Variants in SCAPER observed in about 807,000 individuals in gnomAD.
SCAPER encodes S phase cyclin A-associated protein in the endoplasmic reticulum.
A neutral mutation model predicts 182.2 loss-of-function variants in SCAPER; 98 were observed. That is an observed-to-expected ratio of 0.54 (90% CI 0.46 to 0.64). The LOEUF (loss-of-function observed/expected upper bound fraction) is 0.64. Among genes scored for constraint, SCAPER ranks in the 30% least tolerant of loss-of-function variants. The probability of loss-of-function intolerance (pLI) is 0.00; values close to 1 mark genes in which losing one functional copy is unlikely to be tolerated. For synonymous variants in SCAPER, 605 were observed against 564.6 expected, an observed-to-expected ratio of 1.07 and a Z score of -1.01; for missense variants, 1,432 against 1,690.0, an observed-to-expected ratio of 0.85 and a Z score of 2.68.
intron 24 of SCAPER, among the ~76,000 whole-genome samples, chr15:76,502,356 A>G (rs1251329680): frequency 6.6e-6 from 1 of 152,220 alleles, no homozygotes; most frequent in African/African-American, 2.4e-5. Flanking sequence ...ATTAAGAAAA[A>G]TGTGGCACAT....
At chr15:76,481,258 A>G (rs1270057456) in intron 24 of SCAPER, among the ~76,000 whole-genome samples, 1 of 152,252 alleles carries the variant, frequency 6.6e-6, no homozygotes, top group Non-Finnish European at 1.5e-5. Flanking sequence ...CTTTATAAAT[A>G]TGCTGGGAGG....
At chr15:76,588,421 C>T (rs776577190) in intron 22 of SCAPER, among the ~76,000 whole-genome samples, 42 of 152,130 alleles carry the variant, frequency 2.8e-4, no homozygotes, top group Non-Finnish European at 4.1e-4. Context: ...TACTCCTATT[C>T]GCTTTTGGTT....
At chr15:76,818,450 T>A (rs1464185442) in intron 5 of SCAPER, among the ~76,000 whole-genome samples, 3 of 152,112 alleles carry the variant, frequency 2.0e-5, no homozygotes, top group African/African-American at 7.2e-5. Context: ...ATTGATAAGC[T>A]GGACCTCATT....
At chr15:76,491,278 T>C (rs1417865666) in intron 24 of SCAPER, among the ~76,000 whole-genome samples, 6 of 152,344 alleles carry the variant, frequency 3.9e-5, no homozygotes, top group Middle Eastern at 3.4e-3. Context: ...ATTCTCAAGA[T>C]TGCTGTTACA....
intron 18 of SCAPER, among the ~76,000 whole-genome samples, chr15:76,705,220 A>G (rs1451914895): frequency 1.3e-5 from 2 of 152,034 alleles, no homozygotes; most frequent in Non-Finnish European, 2.9e-5. Flanking sequence ...GCAGCCATAA[A>G]AAAAATGATG....
chr15:76,509,548 C>T (rs1326364536), intron 23 of SCAPER, among the ~76,000 whole-genome samples: 2 of 152,164 alleles, frequency 1.3e-5, no homozygotes, highest in Non-Finnish European at 2.9e-5. Context: ...TAGACTGACA[C>T]TTTTGTGAAA....
At chr15:76,762,657 C>A (rs1295234355) in intron 14 of SCAPER, among the ~76,000 whole-genome samples, 1 of 152,082 alleles carries the variant, frequency 6.6e-6, no homozygotes, top group Non-Finnish European at 1.5e-5. Context: ...CCCTCCCCCA[C>A]TCTACCTTAG....
At chr15:76,358,164 A>G (rs1439985797) in intron 29 of SCAPER, among the ~76,000 whole-genome samples, 1 of 152,260 alleles carries the variant, frequency 6.6e-6, no homozygotes, top group Non-Finnish European at 1.5e-5. Flanking sequence ...TTACATTCCT[A>G]CATTTTGAAT....
At chr15:76,621,375 G>T (rs975479789) in intron 22 of SCAPER, among the ~76,000 whole-genome samples, 1 of 152,174 alleles carries the variant, frequency 6.6e-6, no homozygotes, top group Non-Finnish European at 1.5e-5. Context: ...TCCTTAAAGA[G>T]ATCTCCTCAG....
chr15:76,771,046 A>G (rs1009099264), intron 10 of SCAPER, among the ~76,000 whole-genome samples: 3 of 152,144 alleles, frequency 2.0e-5, no homozygotes, highest in African/African-American at 7.2e-5. Context: ...AAATTTTAGA[A>G]GAAATTATAG....
intron 21 of SCAPER, among the ~76,000 whole-genome samples, chr15:76,644,754 T>A (rs1048607767): frequency 6.6e-6 from 1 of 152,098 alleles, no homozygotes; most frequent in African/African-American, 2.4e-5. Flanking sequence ...TCTACTTTAT[T>A]TTTTTATACA....
At chr15:76,632,679 GCACT>G (rs1379458738) in intron 21 of SCAPER, among the ~76,000 whole-genome samples, 1 of 151,928 alleles carries the variant, frequency 6.6e-6, no homozygotes, top group Non-Finnish European at 1.5e-5. Flanking sequence ...AGGAGAAGAG[GCACT>G]CTGGCTTTCT....
Position 76,417,949 on chromosome 15 carries a change from C to T in SCAPER, c.3312-13270G>A, listed in dbSNP as rs1040887386. ...AGGAGAATGGCTTGAACCCGGGAGG[C>T]GGAGGGTTCAGCGAGCCGAGATCGC... On this transcript the variant is annotated intron_variant, in intron 26 of 31. Coordinates refer to ENST00000563290, the MANE Select transcript of SCAPER (RefSeq NM_020843.4). Among the ~76,000 whole-genome samples, 229 of 151,778 alleles carry T rather than the reference C, an allele frequency of 1.5e-3. 2 individuals are homozygous for T. The highest frequency in any genetic ancestry group is 5.0e-3 in the African/African-American group (206 of 41,392).
At chr15:76,515,177 C>T (rs762791862) in intron 23 of SCAPER, among the ~76,000 whole-genome samples, 6 of 152,114 alleles carry the variant, frequency 3.9e-5, no homozygotes, top group Non-Finnish European at 5.9e-5. Context: ...AATTCCTTTG[C>T]GATGCTAATT....
intron 5 of SCAPER, among the ~76,000 whole-genome samples, chr15:76,808,437 C>CTA (rs1485411863): frequency 6.6e-6 from 1 of 152,184 alleles, no homozygotes; most frequent in Non-Finnish European, 1.5e-5. Flanking sequence ...CCTAAATCAC[C>CTA]TAGCCCTGGG....
chr15:76,360,071 T>A (rs2041291790), intron 29 of SCAPER, among the ~76,000 whole-genome samples: 1 of 152,176 alleles, frequency 6.6e-6, no homozygotes, highest in Non-Finnish European at 1.5e-5. Flanking sequence ...TAGAAGGAAA[T>A]TAGGATTACA....
At chr15:76,497,919 A>G (rs1454485542) in intron 24 of SCAPER, among the ~76,000 whole-genome samples, 1 of 147,902 alleles carries the variant, frequency 6.8e-6, no homozygotes, top group Middle Eastern at 3.2e-3. Context: ...TGAACCTCGG[A>G]AACAGAGGTT....
At chr15:76,454,876 ATAATT>A (rs1596716162) in intron 25 of SCAPER, among the ~76,000 whole-genome samples, 1 of 152,070 alleles carries the variant, frequency 6.6e-6, no homozygotes, top group Non-Finnish European at 1.5e-5. Context: ...TAGATTTTAA[ATAATT>A]TATTTAATGG....
chr15:76,678,397 G>A (rs2057487357), intron 20 of SCAPER, among the ~76,000 whole-genome samples: 1 of 93,968 alleles, frequency 1.1e-5, no homozygotes, highest in Non-Finnish European at 2.2e-5. Context: ...AGTTTTACCA[G>A]TTAACTGAAA....
Sources: gnomAD v4.1 joint callset for allele counts (sites outside exome capture counted in the v4.1 genomes callset) on GRCh38, gnomAD v4.1.1 for gene constraint, MANE v1.5 for transcripts, NCBI Gene and HGNC (gene_info 2026-07-23, HGNC 2026-07-21) for gene names.